Variants in GRID1 observed in about 807,000 individuals in gnomAD.
The protein encoded by GRID1 is glutamate receptor ionotropic, delta-1.
GRID1 carries 28 observed loss-of-function variants against 98.0 expected under a neutral mutation model. That is an observed-to-expected ratio of 0.29 (90% CI 0.21 to 0.39). The LOEUF is 0.39. Ranked by LOEUF, GRID1 falls within the 10% of genes least tolerant of loss-of-function variation. GRID1 has a pLI of 1.00. For synonymous variants in GRID1, 553 were observed against 538.5 expected (o/e 1.03, Z -0.37); for missense variants, 1,111 against 1,340.5 (o/e 0.83, Z 2.67).
intron 4 of GRID1, among the ~76,000 whole-genome samples, chr10:86,129,093 G>A (rs993027358): frequency 1.3e-5 from 2 of 152,138 alleles, no homozygotes; most frequent in African/African-American, 4.8e-5. Context: ...TCAGACTCTC[G>A]GGTGCCTGGG....
chr10:86,241,818 G>A (rs1379774241), intron 2 of GRID1, among the ~76,000 whole-genome samples: 2 of 152,164 alleles, frequency 1.3e-5, no homozygotes, highest in Non-Finnish European at 2.9e-5. Context: ...CAGACTGCCT[G>A]GATGGAGCAG....
chr10:86,275,703 G>A (rs939328858), intron 2 of GRID1, among the ~76,000 whole-genome samples: 1 of 152,022 alleles, frequency 6.6e-6, no homozygotes, highest in Admixed American at 6.6e-5. Context: ...TTAAAGATAG[G>A]ACAACTGAAA....
At chr10:86,316,517 G>C (rs1045342148) in intron 2 of GRID1, among the ~76,000 whole-genome samples, 4 of 152,244 alleles carry the variant, frequency 2.6e-5, no homozygotes, top group Admixed American at 6.5e-5. Context: ...GCTGGACCCA[G>C]AGGCCCCTCA....
At chr10:85,875,741 C>A (rs1843322895) in intron 5 of GRID1, among the ~76,000 whole-genome samples, 1 of 152,156 alleles carries the variant, frequency 6.6e-6, no homozygotes, top group African/African-American at 2.4e-5. Flanking sequence ...TTCCAATCAC[C>A]ATTATCCCAA....
At chr10:85,845,201 TA>T (rs2131774280) in intron 8 of GRID1, among the ~76,000 whole-genome samples, 1 of 152,158 alleles carries the variant, frequency 6.6e-6, no homozygotes, top group East Asian at 1.9e-4. Flanking sequence ...TAAAATAATC[TA>T]AACTAGCAAA....
intron 8 of GRID1, among the ~76,000 whole-genome samples, chr10:85,762,876 G>A (rs1023924732): frequency 6.6e-6 from 1 of 152,184 alleles, no homozygotes; most frequent in East Asian, 1.9e-4. Context: ...ATCATCCTAG[G>A]AGACAGACAG....
intron 12 of GRID1, among the ~76,000 whole-genome samples, chr10:85,677,528 A>C (rs1841158439): frequency 6.6e-6 from 1 of 152,232 alleles, no homozygotes; most frequent in African/African-American, 2.4e-5. Flanking sequence ...CCTTTTCAAC[A>C]GCGTTGTGAA....
At chr10:85,613,706 G>T in intron 14 of GRID1, 59 bp from the exon 15 acceptor site, 3 of 1,569,356 alleles carry the variant, frequency 1.9e-6, no homozygotes, top group South Asian at 2.4e-5. Flanking sequence ...AGCCACCGGG[G>T]CCCTGGCCCC....
chr10:85,758,850 C>G lies in GRID1; in HGVS notation c.1234-29236G>C, dbSNP rs117682522. ...TACTGAAAGGCAGCACAGTGGAGAG[C>G]CTCCCACTATAAGCTGGTGGAACAG... On this transcript the variant is annotated intron_variant, in intron 8 of 15. Transcript: ENST00000327946. Among the ~76,000 whole-genome samples the G allele has an allele frequency of 1.2e-3, 186 of 152,298 alleles. 1 individual carries two copies. In the East Asian group the frequency reaches 0.031, roughly 25 times the overall value.
At chr10:85,938,846 C>G (rs1239315672) in intron 4 of GRID1, among the ~76,000 whole-genome samples, 1 of 152,128 alleles carries the variant, frequency 6.6e-6, no homozygotes, top group Non-Finnish European at 1.5e-5. Flanking sequence ...TTGATAATAC[C>G]AGCAACAACA....
Position 85,750,568 on chromosome 10 carries a change from C to T in GRID1, c.1234-20954G>A, listed in dbSNP as rs79868701. Among the ~76,000 whole-genome samples, 476 of 152,220 alleles carry T rather than the reference C, an allele frequency of 3.1e-3. 3 individuals carry two copies. Among genetic ancestry groups the T allele is most frequent in the African/African-American group, 0.011 (447 of 41,536 alleles). On this transcript the variant is annotated intron_variant, in intron 8 of 15. Coordinates refer to ENST00000327946, the MANE Select transcript of GRID1 (RefSeq NM_017551.3). ...TTGTCATGTTATGCTATTTCTACTTCGATTTTTGCTTATAAAATATTTTTA... is the reference window on the plus strand; with the variant it reads ...TTGTCATGTTATGCTATTTCTACTTTGATTTTTGCTTATAAAATATTTTTA...
chr10:85,888,173 G>C (rs79210395), intron 5 of GRID1, among the ~76,000 whole-genome samples: 1 of 152,154 alleles, frequency 6.6e-6, no homozygotes, highest in South Asian at 2.1e-4. Flanking sequence ...TATAAATGAC[G>C]CAATAGCTTC....
chr10:85,668,017 C>T (rs1279497472), intron 12 of GRID1, among the ~76,000 whole-genome samples: 1 of 152,188 alleles, frequency 6.6e-6, no homozygotes, highest in African/African-American at 2.4e-5. Context: ...TGAGTTCTCC[C>T]CTTTGTCAGA....
intron 4 of GRID1, among the ~76,000 whole-genome samples, chr10:86,054,257 G>A (rs1843543977): frequency 6.6e-6 from 1 of 152,090 alleles, no homozygotes; most frequent in South Asian, 2.1e-4. Flanking sequence ...AGTTGGGGCT[G>A]GGGGTTGGGG....
chr10:85,726,738 G>C (rs991505157), intron 10 of GRID1, among the ~76,000 whole-genome samples: 2 of 152,298 alleles, frequency 1.3e-5, no homozygotes, highest in East Asian at 3.9e-4. Context: ...ATAGAAAGTA[G>C]ATTAATGGTT....
At chr10:85,628,430 G>A (rs963391022) in intron 13 of GRID1, among the ~76,000 whole-genome samples, 1 of 152,056 alleles carries the variant, frequency 6.6e-6, no homozygotes, top group Non-Finnish European at 1.5e-5. Context: ...GTGTATTATC[G>A]TGAGCACCAT....
intron 4 of GRID1, among the ~76,000 whole-genome samples, chr10:86,005,673 G>A (rs1382056966): frequency 6.6e-6 from 1 of 152,218 alleles, no homozygotes; most frequent in Admixed American, 6.5e-5. Context: ...ACTCCTTGAT[G>A]TCAGACAACC....
intron 3 of GRID1, among the ~76,000 whole-genome samples, chr10:86,165,788 G>T (rs1228794256): frequency 2.6e-5 from 4 of 152,076 alleles, no homozygotes; most frequent in African/African-American, 9.7e-5. Flanking sequence ...GAAACCAAGG[G>T]AAGCTTCTGT....
intron 4 of GRID1, among the ~76,000 whole-genome samples, chr10:86,011,770 A>G (rs1462273690): frequency 1.3e-5 from 2 of 152,300 alleles, no homozygotes; most frequent in African/African-American, 2.4e-5. Context: ...AGAAATATAA[A>G]CTCAACAGTG....
Sources: allele counts gnomAD v4.1 joint callset (sites outside exome capture counted in the v4.1 genomes callset), GRCh38; gene constraint gnomAD v4.1.1; transcripts MANE v1.5; gene names NCBI Gene and HGNC (gene_info 2026-07-23, HGNC 2026-07-21).